SMC2: variants seen among roughly 807,000 people sequenced by gnomAD.
SMC2 encodes the protein structural maintenance of chromosomes protein 2.
A neutral mutation model predicts 142.6 loss-of-function variants in SMC2; 41 were observed. The observed-to-expected ratio is 0.29, with a 90% CI of 0.22 to 0.37. SMC2 has a LOEUF of 0.37. SMC2 is among the 10% of genes least tolerant of loss of function. SMC2 has a pLI of 1.00. For synonymous variants in SMC2, 463 were observed against 457.5 expected (o/e 1.01, Z -0.15); for missense variants, 1,265 against 1,373.7 (o/e 0.92, Z 1.25).
At chr9:104,138,891 A>T (rs186323468) in intron 24 of SMC2, among the ~76,000 whole-genome samples, 1,686 of 152,274 alleles carry the variant, frequency 0.011, 16 homozygotes, top group Non-Finnish European at 0.018. Context: ...ACAAAACTGA[A>T]TGCCAGCTAC....
intron 9 of SMC2, among the ~76,000 whole-genome samples, chr9:104,105,699 C>G (rs976680974): frequency 3.9e-5 from 6 of 152,092 alleles, no homozygotes; most frequent in Non-Finnish European, 5.9e-5. Flanking sequence ...GTGACAGATG[C>G]TATGTCCTCT....
chr9:104,106,703 A>AT (rs562184737), intron 9 of SMC2, among the ~76,000 whole-genome samples: 8 of 151,978 alleles, frequency 5.3e-5, no homozygotes, highest in Admixed American at 2.6e-4. Flanking sequence ...CACATAGGGG[A>AT]TTTTTTTTAG....
At chr9:104,095,787 C>G (rs1358252310) in intron 2 of SMC2, among the ~76,000 whole-genome samples, 1 of 152,226 alleles carries the variant, frequency 6.6e-6, no homozygotes, top group Non-Finnish European at 1.5e-5. Context: ...GTAAAGCAGT[C>G]TCATTCCAGA....
chr9:104,112,337 A>T (rs554234144), intron 10 of SMC2, among the ~76,000 whole-genome samples: 1 of 152,308 alleles, frequency 6.6e-6, no homozygotes, highest in African/African-American at 2.4e-5. Context: ...TCATAATCTT[A>T]AAAGTCTTGT....
chr9:104,127,567 C>G (rs568149602), intron 20 of SMC2, 87 bp downstream of exon 20: 1 of 1,003,064 alleles, frequency 1.0e-6, no homozygotes, highest in East Asian at 2.7e-5. Flanking sequence ...TGATAGAGAA[C>G]TCTATAAATA....
At position 104,123,227 on chromosome 9, in the gene SMC2, C is replaced by A. The variant is rs1564103092; in HGVS notation, c.2252C>A (p.Thr751Asn). The change falls in exon 17 of 25, where the codon ACC becomes AAC. Residue 751 changes from threonine (T) to asparagine (N), a missense_variant. Transcript: ENST00000374793. Reference protein sequence around the residue: ...QQEELDALKKTIEESEETLKN... With the variant: ...QQEELDALKKNIEESEETLKN... ...GAAGAATTAGATGCCCTTAAAAAAA[C>A]CATTGGTAAGATGAAAACAGTCCAT... 2 of 1,611,464 alleles carry A rather than the reference C, an allele frequency of 1.2e-6. No homozygotes were observed. The highest frequency in any genetic ancestry group is 2.2e-5 in the South Asian group (2 of 90,730).
intron 9 of SMC2, among the ~76,000 whole-genome samples, chr9:104,107,142 T>C (rs1831892783): frequency 6.6e-6 from 1 of 152,190 alleles, no homozygotes; most frequent in Non-Finnish European, 1.5e-5. Flanking sequence ...CCATTTCTGT[T>C]TGATAATCAA....
chr9:104,119,613 G>A (rs886557834), intron 15 of SMC2, among the ~76,000 whole-genome samples: 7 of 152,160 alleles, frequency 4.6e-5, no homozygotes, highest in South Asian at 2.1e-4. Context: ...AGGAGTAGTC[G>A]TCTCTGTCTT....
chr9:104,123,361 A>AC, intron 17 of SMC2, 129 bp downstream of exon 17: 10 of 862,122 alleles, frequency 1.2e-5, no homozygotes, highest in Non-Finnish European at 1.7e-5. Context: ...AAATCCAAGT[A>AC]TGGGATTTCT....
chr9:104,111,580 G>A lies in SMC2; in HGVS notation c.1021-1G>A. On this transcript the variant is annotated splice_acceptor_variant, in intron 9 of 24. Coordinates refer to ENST00000374793, the MANE Select transcript of SMC2 (RefSeq NM_006444.3). LOFTEE classifies it high-confidence loss of function. ...TTTTCCATTTGAAACTCTTCCTAAA[G>A]GACTCAAAAACTTTAGCAGCAAAGG... 1 of 1,605,694 alleles carries A rather than the reference G, an allele frequency of 6.2e-7. No homozygotes were observed. Among genetic ancestry groups the A allele is most frequent in the Non-Finnish European group, 8.5e-7 (1 of 1,173,712 alleles).
chr9:104,101,186 C>G (rs1340436160), intron 7 of SMC2, among the ~76,000 whole-genome samples: 1 of 152,144 alleles, frequency 6.6e-6, no homozygotes, highest in Admixed American at 6.5e-5. Flanking sequence ...CCACCTGCCT[C>G]GGCCTCGCAA....
intron 22 of SMC2, among the ~76,000 whole-genome samples, chr9:104,133,434 G>A (rs1835200677): frequency 6.6e-6 from 1 of 152,046 alleles, no homozygotes; most frequent in Non-Finnish European, 1.5e-5. Flanking sequence ...TCTATATTTA[G>A]GATCACTGCT....
chr9:104,096,127 A>G (rs908490029), intron 2 of SMC2, 21 bp from the exon 3 acceptor site: 1 of 1,606,764 alleles, frequency 6.2e-7, no homozygotes, highest in Non-Finnish European at 8.5e-7. Flanking sequence ...TAATTGTTAC[A>G]CTTTTCATAT....
intron 9 of SMC2, among the ~76,000 whole-genome samples, chr9:104,103,904 C>G (rs1203113762): frequency 6.6e-6 from 1 of 151,950 alleles, no homozygotes; most frequent in Admixed American, 6.6e-5. Flanking sequence ...GAACTGAAAT[C>G]AATTCATCAA....
At position 104,139,572 on chromosome 9, in the gene SMC2, A is replaced by G. The variant is rs906559540; in HGVS notation, c.*257A>G. 2 of 291,270 alleles carry G rather than the reference A, an allele frequency of 6.9e-6. No homozygotes were observed. The highest frequency in any genetic ancestry group is 4.4e-5 in the African/African-American group (2 of 45,178). The allele number at this position is 291,270 out of a possible 1,614,324, so 18.0% of individuals were successfully genotyped here. On this transcript the variant is annotated 3_prime_UTR_variant, in exon 25 of 25. Coordinates refer to ENST00000374793, the MANE Select transcript of SMC2 (RefSeq NM_006444.3). ...TTTTTTTCTTATGCGGGTCTTTTAT[A>G]TATTAGGGATCCTGAGATACCCGAT... is the stretch of plus-strand genomic sequence containing the variant.
chr9:104,088,801 T>C, the SMC2 span, among the ~76,000 whole-genome samples: 1 of 152,144 alleles, frequency 6.6e-6, no homozygotes, highest in Admixed American at 6.5e-5. Flanking sequence ...CACTCAACTA[T>C]GGATTCCTTG....
chr9:104,136,126 C>A, intron 23 of SMC2: 1 of 306,892 alleles, frequency 3.3e-6, no homozygotes, highest in Non-Finnish European at 6.5e-6. Context: ...AGAAGGTTGT[C>A]AACATTCACA....
chr9:104,116,356 T>C lies in SMC2; in HGVS notation c.1791+37T>C, dbSNP rs1170187079. ...TTTGTCTTATTTATATGTTTAATCG[T>C]CATCTGTGGTTTTTTTAAGTTAGAA... On this transcript the variant is annotated intron_variant, in intron 14 of 24. Transcript: ENST00000374793. 6 of 1,550,908 alleles carry C rather than the reference T, an allele frequency of 3.9e-6. No homozygotes were observed. The South Asian group carries it at 6.2e-5, about 16-fold the overall frequency.
At chr9:104,128,323 C>A (rs2131515406) in intron 20 of SMC2, among the ~76,000 whole-genome samples, 1 of 152,208 alleles carries the variant, frequency 6.6e-6, no homozygotes, top group African/African-American at 2.4e-5. Context: ...TATTGATTTC[C>A]CATTAGCTTA....
Sources: allele counts gnomAD v4.1 joint callset (sites outside exome capture counted in the v4.1 genomes callset), GRCh38; gene constraint gnomAD v4.1.1; transcripts MANE v1.5; gene names NCBI Gene and HGNC (gene_info 2026-07-23, HGNC 2026-07-21).